SHISA9: variants seen among roughly 807,000 people sequenced by gnomAD.
The protein encoded by SHISA9 is shisa family member 9, also known as protein shisa-9.
SHISA9 carries 13 observed loss-of-function variants against 38.0 expected under a neutral mutation model. The ratio of observed to expected loss-of-function variants is 0.34; its 90% CI spans 0.22 to 0.54. The LOEUF is 0.54. SHISA9 is among the 20% of genes least tolerant of loss of function. The pLI is 0.91. For synonymous variants in SHISA9, 275 were observed against 242.0 expected (o/e 1.14, Z -1.27); for missense variants, 538 against 575.8 (o/e 0.93, Z 0.67).
At chr16:13,171,279 C>T (rs1024005338) in intron 2 of SHISA9, among the ~76,000 whole-genome samples, 4 of 152,178 alleles carry the variant, frequency 2.6e-5, no homozygotes, top group Non-Finnish European at 5.9e-5. Flanking sequence ...AGGCCCCACC[C>T]CCAACACTGG....
At chr16:13,403,340 A>G in the SHISA9 span, among the ~76,000 whole-genome samples, 1 of 152,236 alleles carries the variant, frequency 6.6e-6, no homozygotes, top group Non-Finnish European at 1.5e-5. Context: ...ATTTTTAAAT[A>G]GCTCTTTTAT....
At chr16:13,127,591 A>G (rs1317586291) in intron 2 of SHISA9, among the ~76,000 whole-genome samples, 2 of 152,136 alleles carry the variant, frequency 1.3e-5, no homozygotes, top group African/African-American at 2.4e-5. Flanking sequence ...GAGGGAGAGC[A>G]GCTTGACAGG....
the SHISA9 span, among the ~76,000 whole-genome samples, chr16:13,444,565 TTATC>T: frequency 6.6e-6 from 1 of 152,214 alleles, no homozygotes; most frequent in East Asian, 1.9e-4. Context: ...TTCTCCAACT[TTATC>T]TACTAGTCTT....
the SHISA9 span, among the ~76,000 whole-genome samples, chr16:13,526,031 A>G: frequency 6.6e-6 from 1 of 152,216 alleles, no homozygotes; most frequent in African/African-American, 2.4e-5. Flanking sequence ...AGAATTAGCC[A>G]CTGAACCTGT....
intron 2 of SHISA9, among the ~76,000 whole-genome samples, chr16:13,168,036 C>A (rs2050652931): frequency 6.6e-6 from 1 of 152,186 alleles, no homozygotes; most frequent in African/African-American, 2.4e-5. Context: ...GTGCTTGATG[C>A]TTTGATGTCT....
chr16:13,549,040 A>G, the SHISA9 span, among the ~76,000 whole-genome samples: 2 of 152,178 alleles, frequency 1.3e-5, no homozygotes, highest in African/African-American at 4.8e-5. Context: ...CATAAAAAAG[A>G]GAGAAAATTC....
At chr16:13,391,955 G>T in the SHISA9 span, among the ~76,000 whole-genome samples, 1 of 152,152 alleles carries the variant, frequency 6.6e-6, no homozygotes, top group Non-Finnish European at 1.5e-5. Context: ...TCAGACATTT[G>T]GTTTGCCCCG....
the SHISA9 span, among the ~76,000 whole-genome samples, chr16:13,469,358 G>GAAAGGA: frequency 3.1e-4 from 21 of 67,598 alleles, no homozygotes; most frequent in Admixed American, 1.3e-3. Context: ...AAGAAAGAAA[G>GAAAGGA]AAAAGAAAAA....
the SHISA9 span, among the ~76,000 whole-genome samples, chr16:13,530,450 T>G: frequency 6.6e-6 from 1 of 152,198 alleles, no homozygotes; most frequent in Non-Finnish European, 1.5e-5. Flanking sequence ...GTGGATTAAA[T>G]TTAAATATGG....
chr16:13,360,174 G>A, the SHISA9 span, among the ~76,000 whole-genome samples: 4 of 152,222 alleles, frequency 2.6e-5, no homozygotes, highest in Non-Finnish European at 5.9e-5. Flanking sequence ...AGAACTACAA[G>A]TGAGAAAGAG....
intron 2 of SHISA9, among the ~76,000 whole-genome samples, chr16:13,173,565 C>T (rs1474597613): frequency 3.3e-5 from 5 of 152,236 alleles, no homozygotes; most frequent in Admixed American, 3.3e-4. Context: ...TTTTGCTCCC[C>T]ACCCCTATTT....
the SHISA9 span, among the ~76,000 whole-genome samples, chr16:13,559,824 G>T: frequency 6.6e-6 from 1 of 152,180 alleles, no homozygotes. Context: ...TGACAGGCTG[G>T]ATTACAGAAA....
chr16:12,991,007 A>G (rs532253310), intron 2 of SHISA9, among the ~76,000 whole-genome samples: 4 of 152,212 alleles, frequency 2.6e-5, no homozygotes, highest in Non-Finnish European at 4.4e-5. Context: ...CAACAACAGA[A>G]TCTATTTCAC....
At chr16:13,078,713 A>G (rs774405231) in intron 2 of SHISA9, among the ~76,000 whole-genome samples, 1 of 151,940 alleles carries the variant, frequency 6.6e-6, no homozygotes, top group Non-Finnish European at 1.5e-5. Context: ...GCCCCTTCTC[A>G]ACTATTTTTG....
chr16:12,993,756 G>A (rs1397739673), intron 2 of SHISA9, among the ~76,000 whole-genome samples: 1 of 152,192 alleles, frequency 6.6e-6, no homozygotes, highest in Non-Finnish European at 1.5e-5. Flanking sequence ...GGAGTCCATT[G>A]AGACCAGACA....
chr16:13,485,452 C>T, the SHISA9 span, among the ~76,000 whole-genome samples: 2 of 152,026 alleles, frequency 1.3e-5, no homozygotes, highest in African/African-American at 4.8e-5. Context: ...TGAGGGTAAG[C>T]CCTTGTTCTC....
chr16:13,415,362 C>A, the SHISA9 span, among the ~76,000 whole-genome samples: 1 of 152,158 alleles, frequency 6.6e-6, no homozygotes, highest in East Asian at 1.9e-4. Context: ...CATGTTCTCA[C>A]TTTTAAGTGG....
chr16:13,224,179 G>T (rs938954766), intron 4 of SHISA9, among the ~76,000 whole-genome samples: 1 of 152,150 alleles, frequency 6.6e-6, no homozygotes, highest in Non-Finnish European at 1.5e-5. Context: ...TGACAAGAGT[G>T]GGGAAATAGA....
intron 2 of SHISA9, among the ~76,000 whole-genome samples, chr16:12,982,634 A>G (rs913572901): frequency 1.3e-5 from 2 of 152,166 alleles, no homozygotes; most frequent in East Asian, 3.9e-4. Flanking sequence ...GTGAGACACC[A>G]TCTCCAGAAC....
Sources: allele counts gnomAD v4.1 joint callset (sites outside exome capture counted in the v4.1 genomes callset), GRCh38; gene constraint gnomAD v4.1.1; transcripts MANE v1.5; gene names NCBI Gene and HGNC (gene_info 2026-07-23, HGNC 2026-07-21).